Variants in GDNF observed in about 807,000 individuals in gnomAD.
The protein encoded by GDNF is glial cell line-derived neurotrophic factor.
A neutral mutation model predicts 13.7 loss-of-function variants in GDNF; 5 were observed. The ratio of observed to expected loss-of-function variants is 0.36; its 90% CI spans 0.19 to 0.77. GDNF has a LOEUF of 0.77. GDNF is among the 30% of genes least tolerant of loss of function. GDNF has a pLI of 0.51. For synonymous variants in GDNF, 122 were observed against 112.5 expected (o/e 1.08, Z -0.53); for missense variants, 246 against 274.3 (o/e 0.90, Z 0.73).
chr5:37,826,229 A>G (rs72747308), intron 2 of GDNF, among the ~76,000 whole-genome samples: 6,342 of 152,328 alleles, frequency 0.042, 139 homozygotes, highest in Non-Finnish European at 0.052. Flanking sequence ...ATATGATAAC[A>G]TAAGAAAAGA....
intron 2 of GDNF, among the ~76,000 whole-genome samples, chr5:37,820,089 C>T (rs780051498): frequency 6.6e-6 from 1 of 152,122 alleles, no homozygotes; most frequent in Non-Finnish European, 1.5e-5. Context: ...AAAGGACTCA[C>T]ATCATAGGCT....
rs1197017989 is a variant in GDNF, at chr5:37,816,086, A to G, written c.201T>C (p.Phe67=). 2 of 1,613,242 alleles carry G rather than the reference A, an allele frequency of 1.2e-6. No homozygotes were observed. Among genetic ancestry groups the G allele is most frequent in the Non-Finnish European group, 1.7e-6 (2 of 1,179,306 alleles). Residue 67 remains phenylalanine (F), a synonymous_variant, in exon 3 of 3, where the codon TTT becomes TTC. Transcript: ENST00000326524. ...TCAGTCTTTTAATGGTGGCTTGAAT[A>G]AAATCCATGACATCATCGAACTGAT... is the stretch of plus-strand genomic sequence containing the variant. ...YPDQFDDVMD[F]IQATIKRLKR... is the part of the protein sequence containing the mutation.
chr5:37,839,033 C>G lies in GDNF; in HGVS notation c.-27+474G>C, dbSNP rs72747316. On this transcript the variant is annotated intron_variant, in intron 1 of 2. Coordinates refer to ENST00000326524, the MANE Select transcript of GDNF (RefSeq NM_000514.4). This position sits in a 1 kb window ranked among gnomAD's most constrained non-coding sequence, Gnocchi z 5.5. ...TCTCAGCACCTTTGCAGCAGCCCCT[C>G]CCCCGGCCTGCGCTTTTCCTTGGCA... Among the ~76,000 whole-genome samples the G allele has an allele frequency of 6.6e-6, 1 of 152,248 alleles. No individual in the cohort carries two copies. Among genetic ancestry groups the G allele is most frequent in the Non-Finnish European group, 1.5e-5 (1 of 68,014 alleles).
intron 2 of GDNF, among the ~76,000 whole-genome samples, chr5:37,825,435 G>A (rs1345707254): frequency 6.6e-6 from 1 of 152,188 alleles, no homozygotes; most frequent in Non-Finnish European, 1.5e-5. Flanking sequence ...GTGTTCATTT[G>A]TTAGCTAATC....
rs896566992 is a variant in GDNF at position 37,815,771 on chromosome 5, G to A, written c.516C>T (p.Asp172=). 9 of 1,614,014 alleles carry A rather than the reference G, an allele frequency of 5.6e-6. No homozygotes were observed. The highest frequency in any genetic ancestry group is 7.6e-6 in the Non-Finnish European group (9 of 1,180,042). The change falls in exon 3 of 3, where the codon GAC becomes GAT. Residue 172 remains aspartate, a synonymous_variant. Transcript: ENST00000326524. This position sits in a 1 kb window ranked among gnomAD's most constrained non-coding sequence, Gnocchi z 5.0. Reference sequence around the variant, plus strand: ...GTCTGCAACATGCCTGCCCTACTTTGTCACTCACCAGCCTTCTATTTCTGG... The same window carrying A: ...GTCTGCAACATGCCTGCCCTACTTTATCACTCACCAGCCTTCTATTTCTGG... ...NLSRNRRLVS[D]KVGQACCRPI...
intron 2 of GDNF, among the ~76,000 whole-genome samples, chr5:37,823,613 G>C (rs1171888327): frequency 6.6e-6 from 1 of 151,528 alleles, no homozygotes; most frequent in East Asian, 1.9e-4. Flanking sequence ...AGCAGATCCA[G>C]ACAGAGAGGC....
At chr5:37,824,077 A>G (rs1333206233) in intron 2 of GDNF, 13 of 979,154 alleles carry the variant, frequency 1.3e-5, no homozygotes, top group Non-Finnish European at 1.6e-5. Flanking sequence ...TCATCAAGTC[A>G]TCTTCCTGTG....
intron 1 of GDNF, among the ~76,000 whole-genome samples, chr5:37,836,714 C>A (rs1261675804): frequency 6.6e-6 from 1 of 152,316 alleles, no homozygotes; most frequent in South Asian, 2.1e-4. Flanking sequence ...GCTGGCGGTC[C>A]GACCGGAGGA....
chr5:37,812,829 T>C lies in GDNF; in HGVS notation c.*2822A>G, dbSNP rs546641171. ...CAAGTGCACTCCTTACGGTATCAGA[T>C]GGTGATCGCAATGATAAAGAAAAAT... is the stretch of plus-strand genomic sequence containing the variant. On this transcript the variant is annotated 3_prime_UTR_variant, in exon 3 of 3. Transcript: ENST00000326524. 5.9e-5 allele frequency: 9 copies of C among 152,242 alleles called. No homozygotes were observed. The highest frequency in any genetic ancestry group is 5.2e-4 in the Admixed American group (8 of 15,296). 9.4% of individuals were successfully genotyped at this position (152,242 alleles called of 1,614,324 possible). A position where few individuals can be genotyped will look rare whatever the true frequency, so the allele number is the denominator to read the frequency against.
At chr5:37,821,548 G>A (rs1221887146) in intron 2 of GDNF, among the ~76,000 whole-genome samples, 1 of 152,188 alleles carries the variant, frequency 6.6e-6, no homozygotes, top group Non-Finnish European at 1.5e-5. Context: ...AATCCAAAGT[G>A]CTCAAATGCA....
At chr5:37,817,876 T>A (rs1749988480) in intron 2 of GDNF, among the ~76,000 whole-genome samples, 1 of 152,160 alleles carries the variant, frequency 6.6e-6, no homozygotes, top group Non-Finnish European at 1.5e-5. Context: ...AGAGGGATAC[T>A]TTAAACGCAG....
At chr5:37,830,734 C>T (rs986892417) in intron 2 of GDNF, among the ~76,000 whole-genome samples, 8 of 152,198 alleles carry the variant, frequency 5.3e-5, no homozygotes, top group African/African-American at 1.9e-4. Flanking sequence ...AGTTAACCCT[C>T]ACATCAACCC....
Position 37,837,662 on chromosome 5 carries a change from G to T in GDNF, c.-27+1845C>A, listed in dbSNP as rs574770035. Among the ~76,000 whole-genome samples the T allele has an allele frequency of 6.6e-6, 1 of 152,184 alleles. No individual in the cohort carries two copies. The highest frequency in any genetic ancestry group is 1.5e-5 in the Non-Finnish European group (1 of 68,046). ...ACCGGAGAACCACCACTCCCTCTAC[G>T]AGCCTCCCGAAATCCCATTAGCCCG... On this transcript the variant is annotated intron_variant, in intron 1 of 2. Transcript: ENST00000326524. The surrounding 1 kb of genome is among the most constrained non-coding windows in gnomAD (Gnocchi z 6.5).
In GDNF at chr5:37,837,134, C is replaced by T. The variant is rs1035289472; in HGVS notation, c.-26-2312G>A. Among the ~76,000 whole-genome samples the T allele has an allele frequency of 2.0e-5, 3 of 152,218 alleles. No homozygotes were observed. Among genetic ancestry groups the T allele is most frequent in the Admixed American group, 6.5e-5 (1 of 15,292 alleles). Reference sequence around the variant, plus strand: ...AAAGGGGGGAGGTTGGGGGACTCGGCACACACAGCGTCTACTAGGACGTTT... The same window carrying T: ...AAAGGGGGGAGGTTGGGGGACTCGGTACACACAGCGTCTACTAGGACGTTT... On this transcript the variant is annotated intron_variant, in intron 1 of 2. Transcript: ENST00000326524. The surrounding 1 kb of genome is among the most constrained non-coding windows in gnomAD (Gnocchi z 6.5).
At chr5:37,833,682 T>G (rs1750601101) in intron 2 of GDNF, among the ~76,000 whole-genome samples, 1 of 152,146 alleles carries the variant, frequency 6.6e-6, no homozygotes, top group Non-Finnish European at 1.5e-5. Context: ...GGGGTGGCGT[T>G]AGGGAGGGAA....
In GDNF at chr5:37,815,394, C is replaced by T; in HGVS notation, c.*257G>A. On this transcript the variant is annotated 3_prime_UTR_variant, in exon 3 of 3. Coordinates refer to ENST00000326524, the MANE Select transcript of GDNF (RefSeq NM_000514.4). The surrounding 1 kb of genome is among the most constrained non-coding windows in gnomAD (Gnocchi z 5.0). ...CCTGAGCTTCTAGTGACATCGGCTG[C>T]CATCCTGGAGAATCCAGAGGGCTGT... 1 of 547,056 alleles carries T rather than the reference C, an allele frequency of 1.8e-6. No individual in the cohort carries two copies. Among genetic ancestry groups the T allele is most frequent in the Non-Finnish European group, 3.3e-6 (1 of 304,286 alleles). 33.9% of individuals were successfully genotyped at this position (547,056 alleles called of 1,614,324 possible). A position where few individuals can be genotyped will look rare whatever the true frequency, so the allele number is the denominator to read the frequency against.
At chr5:37,828,373 T>G (rs1750403631) in intron 2 of GDNF, among the ~76,000 whole-genome samples, 1 of 152,224 alleles carries the variant, frequency 6.6e-6, no homozygotes. Context: ...GATCTGGACT[T>G]TGAAGTAGTC....
chr5:37,828,248 C>G (rs1470964834), intron 2 of GDNF, among the ~76,000 whole-genome samples: 1 of 152,344 alleles, frequency 6.6e-6, no homozygotes, highest in East Asian at 1.9e-4. Flanking sequence ...CTACCAAGCA[C>G]TTGAGGAGAC....
At chr5:37,820,270 G>A (rs1232817040) in intron 2 of GDNF, among the ~76,000 whole-genome samples, 1 of 152,114 alleles carries the variant, frequency 6.6e-6, no homozygotes, top group African/African-American at 2.4e-5. Context: ...AATCATGCTG[G>A]TTTAGAGACT....
Sources: allele counts gnomAD v4.1 joint callset (sites outside exome capture counted in the v4.1 genomes callset), GRCh38; gene constraint gnomAD v4.1.1; non-coding constraint Gnocchi (gnomAD v3.1); transcripts MANE v1.5; gene names NCBI Gene and HGNC (gene_info 2026-07-23, HGNC 2026-07-21).